AGO3: variants seen among roughly 807,000 people sequenced by gnomAD.
AGO3 encodes protein argonaute-3.
A neutral mutation model predicts 105.5 loss-of-function variants in AGO3; 16 were observed. The ratio of observed to expected loss-of-function variants is 0.15; its 90% CI spans 0.10 to 0.23. The LOEUF is 0.23. Among genes scored for constraint, AGO3 ranks in the 10% least tolerant of loss-of-function variants. The probability of loss-of-function intolerance (pLI) is 1.00; values close to 1 mark genes in which losing one functional copy is unlikely to be tolerated. For missense variants in AGO3, 534 were observed against 1,088.0 expected, an observed-to-expected ratio of 0.49 and a Z score of 7.16; for synonymous variants, 340 against 367.3, an observed-to-expected ratio of 0.93 and a Z score of 0.85.
At chr1:36,033,766 A>T (rs192712935) in intron 12 of AGO3, among the ~76,000 whole-genome samples, 102 of 152,250 alleles carry the variant, frequency 6.7e-4, no homozygotes, top group Non-Finnish European at 1.3e-3. Context: ...TAAATTAAAG[A>T]TAAGAGAATA....
At chr1:35,992,202 T>C (rs1421937233) in intron 5 of AGO3, 2 of 152,182 alleles carry the variant, frequency 1.3e-5, no homozygotes, top group African/African-American at 2.4e-5. Flanking sequence ...TATGTTAAAG[T>C]CATTTAATCT....
Position 36,009,546 on chromosome 1 carries a change from G to A in AGO3, c.1101G>A (p.Lys367=). Residue 367 remains lysine, a synonymous_variant, in exon 9 of 19, where the codon AAG becomes AAA. Coordinates refer to ENST00000373191, the MANE Select transcript of AGO3 (RefSeq NM_024852.4). ...ACAATCAGACTTCCACTATGATCAA[G>A]GCAACAGCAAGATCTGCACCAGATA... ...LTDNQTSTMI[K]ATARSAPDRQ... 1 of 1,613,808 alleles carries A rather than the reference G, an allele frequency of 6.2e-7. No homozygotes were observed. The highest frequency in any genetic ancestry group is 1.1e-5 in the South Asian group (1 of 91,072).
rs1647707001 is a variant in AGO3, at chr1:35,991,948, CA to C, written c.659-12392del. On this transcript the variant is annotated intron_variant, in intron 5 of 18. Transcript: ENST00000373191. ...TGTCTATTCAGTGTTAATCTAAAAA[CA>C]CTGAATGCTCTGAAGGCATGGATAG... 5.3e-5 allele frequency among the ~76,000 whole-genome samples: 8 copies of C among 152,212 alleles called. No individual in the cohort carries two copies. The South Asian group carries it at 1.7e-3, about 32-fold the overall frequency.
chr1:35,971,086 T>G (rs1437374954), intron 3 of AGO3, among the ~76,000 whole-genome samples: 1 of 143,832 alleles, frequency 7.0e-6, no homozygotes, highest in Non-Finnish European at 1.5e-5. Flanking sequence ...ATATATAAAT[T>G]TATATTATAA....
chr1:36,019,277 G>A (rs1398291182), intron 11 of AGO3, among the ~76,000 whole-genome samples: 1 of 152,158 alleles, frequency 6.6e-6, no homozygotes, highest in Admixed American at 6.6e-5. Flanking sequence ...GTTATTAGGA[G>A]CATAAGCCTT....
At chr1:35,981,634 G>A (rs1327982602) in intron 5 of AGO3, among the ~76,000 whole-genome samples, 1 of 152,106 alleles carries the variant, frequency 6.6e-6, no homozygotes, top group Non-Finnish European at 1.5e-5. Flanking sequence ...CTGTAAGTTC[G>A]AAACTACTTC....
At chr1:35,954,822 T>G (rs1646535316) in intron 2 of AGO3, among the ~76,000 whole-genome samples, 1 of 152,230 alleles carries the variant, frequency 6.6e-6, no homozygotes, top group African/African-American at 2.4e-5. Flanking sequence ...TCACATGGTA[T>G]TTGAGCAAAA....
At chr1:35,947,099 T>TTTTATTTATTTA (rs540271850) in intron 2 of AGO3, among the ~76,000 whole-genome samples, 1 of 151,798 alleles carries the variant, frequency 6.6e-6, no homozygotes, top group African/African-American at 2.4e-5. Flanking sequence ...ATACATATAA[T>TTTTATTTATTTA]TTTATTTATT....
At chr1:35,965,693 A>AG (rs1646760495) in intron 2 of AGO3, among the ~76,000 whole-genome samples, 1 of 151,870 alleles carries the variant, frequency 6.6e-6, no homozygotes, top group African/African-American at 2.4e-5. Flanking sequence ...TTGAAAAGGG[A>AG]GGGAAAAAAT....
Position 36,056,474 on chromosome 1 carries a change from T to C in AGO3, c.*729T>C, listed in dbSNP as rs1165838405. On this transcript the variant is annotated 3_prime_UTR_variant, in exon 19 of 19. Coordinates refer to ENST00000373191, the MANE Select transcript of AGO3 (RefSeq NM_024852.4). ...AATATGGCAAACTAGAATTCTACTTTTATTTTGCATACCCTACTCCTGACT... is the reference window on the plus strand; with the variant it reads ...AATATGGCAAACTAGAATTCTACTTCTATTTTGCATACCCTACTCCTGACT... 6.6e-6 allele frequency: 1 copy of C among 152,132 alleles called. No homozygotes were observed. Among genetic ancestry groups the C allele is most frequent in the African/African-American group, 2.4e-5 (1 of 41,434 alleles). The allele number at this position is 152,132 out of a possible 1,614,324, so 9.4% of individuals were successfully genotyped here.
In AGO3 at chr1:36,036,363, A is replaced by G. The variant is rs139611746; in HGVS notation, c.1842+96A>G. 270 of 1,167,912 alleles carry G rather than the reference A, an allele frequency of 2.3e-4. No homozygotes were observed. The African/African-American group carries it at 3.7e-3, about 16-fold the overall frequency. 72.3% of individuals were successfully genotyped at this position (1,167,912 alleles called of 1,614,324 possible). On this transcript the variant is annotated intron_variant, in intron 14 of 18. Transcript: ENST00000373191. ...GAATTTTAATATTTTCTTTGTAGCC[A>G]ACTTTCATAAATGTTCTTTGGGTTT... is the stretch of plus-strand genomic sequence containing the variant.
intron 14 of AGO3, among the ~76,000 whole-genome samples, chr1:36,038,417 G>A (rs1281089511): frequency 2.0e-5 from 3 of 151,864 alleles, no homozygotes; most frequent in African/African-American, 4.8e-5. Flanking sequence ...TGACACACCC[G>A]GCTAATTTTT....
chr1:35,982,558 T>G (rs559537871), intron 5 of AGO3: 1 of 685,174 alleles, frequency 1.5e-6, no homozygotes, highest in South Asian at 1.6e-5. Flanking sequence ...TCTCTATCCT[T>G]TAGATAGGGA....
At chr1:35,987,863 T>A (rs1349882837) in intron 5 of AGO3, among the ~76,000 whole-genome samples, 2 of 150,550 alleles carry the variant, frequency 1.3e-5, no homozygotes, top group African/African-American at 4.9e-5. Flanking sequence ...AGGTCAGGAG[T>A]TCGAGACCAG....
intron 6 of AGO3, chr1:36,005,575 C>T (rs549345553): frequency 3.9e-6 from 1 of 255,916 alleles, no homozygotes; most frequent in African/African-American, 2.3e-5. Flanking sequence ...GAGGTTAGTG[C>T]ATTACCTACC....
chr1:36,002,492 G>A (rs1457303471), intron 5 of AGO3, among the ~76,000 whole-genome samples: 1 of 151,044 alleles, frequency 6.6e-6, no homozygotes, highest in Admixed American at 6.6e-5. Context: ...ACCACGCCTG[G>A]CTAATTTTTT....
chr1:36,052,253 A>T (rs1642745494), intron 17 of AGO3, among the ~76,000 whole-genome samples: 1 of 152,238 alleles, frequency 6.6e-6, no homozygotes, highest in Non-Finnish European at 1.5e-5. Context: ...AAATTCTGTC[A>T]TTTGTGGCAA....
chr1:36,028,538 T>A (rs1040630491), intron 12 of AGO3, among the ~76,000 whole-genome samples: 1 of 151,910 alleles, frequency 6.6e-6, no homozygotes, highest in Non-Finnish European at 1.5e-5. Flanking sequence ...GAATGATGAT[T>A]TCCAATTTCA....
chr1:36,006,628 T>C (rs1206669952), intron 6 of AGO3, among the ~76,000 whole-genome samples: 1 of 152,180 alleles, frequency 6.6e-6, no homozygotes, highest in Non-Finnish European at 1.5e-5. Flanking sequence ...TATTTCCTTC[T>C]TTTAAGATCC....
Sources: gnomAD v4.1 joint callset for allele counts (sites outside exome capture counted in the v4.1 genomes callset) on GRCh38, gnomAD v4.1.1 for gene constraint, MANE v1.5 for transcripts, NCBI Gene and HGNC (gene_info 2026-07-23, HGNC 2026-07-21) for gene names.